CAMK4: variants seen among roughly 807,000 people sequenced by gnomAD.
The protein encoded by CAMK4 is calcium/calmodulin-dependent protein kinase type IV.
A neutral mutation model predicts 44.9 loss-of-function variants in CAMK4; 22 were observed. That is an observed-to-expected ratio of 0.49 (90% CI 0.35 to 0.70). The LOEUF (loss-of-function observed/expected upper bound fraction) is 0.70, where lower values mean the gene tolerates loss of function less well. Ranked by LOEUF, CAMK4 falls within the 30% of genes least tolerant of loss-of-function variation. The pLI, the probability that CAMK4 is intolerant of heterozygous loss-of-function variation, is 0.01. For missense variants in CAMK4, 498 were observed against 586.8 expected (o/e 0.85, Z 1.56); for synonymous variants, 218 against 215.4 (o/e 1.01, Z -0.11).
chr5:111,369,567 C>G (rs1207758431), intron 2 of CAMK4, among the ~76,000 whole-genome samples: 1 of 152,036 alleles, frequency 6.6e-6, no homozygotes, highest in Non-Finnish European at 1.5e-5. Flanking sequence ...TTGCAAATCT[C>G]TTTACTATCT....
At chr5:111,450,731 T>A (rs1021696632) in intron 7 of CAMK4, among the ~76,000 whole-genome samples, 3 of 150,260 alleles carry the variant, frequency 2.0e-5, no homozygotes, top group Non-Finnish European at 4.4e-5. Context: ...GAGGTTACAG[T>A]GAAGCAAGAT....
chr5:111,381,484 C>CA (rs1398149807), intron 4 of CAMK4, among the ~76,000 whole-genome samples: 1 of 152,120 alleles, frequency 6.6e-6, no homozygotes, highest in African/African-American at 2.4e-5. Flanking sequence ...TGTTCAAAGG[C>CA]AGCACAGGAG....
At chr5:111,427,701 G>A (rs1264217936) in intron 5 of CAMK4, among the ~76,000 whole-genome samples, 2 of 152,242 alleles carry the variant, frequency 1.3e-5, no homozygotes, top group Non-Finnish European at 2.9e-5. Flanking sequence ...TGTGGTTTGA[G>A]TGCCAGCTCA....
chr5:111,225,757 C>G (rs1551566), intron 1 of CAMK4, among the ~76,000 whole-genome samples: 3 of 152,042 alleles, frequency 2.0e-5, no homozygotes, highest in Non-Finnish European at 1.5e-5. Context: ...TCTCCCCCCA[C>G]TTTGCTAGTA....
chr5:111,418,405 G>C (rs2112910652), intron 5 of CAMK4, among the ~76,000 whole-genome samples: 1 of 151,780 alleles, frequency 6.6e-6, no homozygotes, highest in East Asian at 1.9e-4. Context: ...TGAAGTTTCA[G>C]TCACCATTGT....
chr5:111,423,842 A>G (rs1753118061), intron 5 of CAMK4, among the ~76,000 whole-genome samples: 2 of 152,188 alleles, frequency 1.3e-5, no homozygotes. Context: ...ATGACTTATT[A>G]AGCACCTACT....
At chr5:111,235,528 A>G (rs573925685) in intron 1 of CAMK4, among the ~76,000 whole-genome samples, 2 of 152,336 alleles carry the variant, frequency 1.3e-5, no homozygotes, top group East Asian at 1.9e-4. Context: ...ACAATGTTCA[A>G]TGAGGTAAAC....
At chr5:111,371,009 A>G (rs1750983964) in intron 2 of CAMK4, among the ~76,000 whole-genome samples, 2 of 152,222 alleles carry the variant, frequency 1.3e-5, no homozygotes, top group Admixed American at 1.3e-4. Context: ...CTGTTCTAGT[A>G]ACGCCTCTCT....
At chr5:111,471,716 C>T (rs1037211064) in intron 7 of CAMK4, among the ~76,000 whole-genome samples, 2 of 152,078 alleles carry the variant, frequency 1.3e-5, no homozygotes, top group Non-Finnish European at 2.9e-5. Flanking sequence ...TATGCATTTA[C>T]CATGACCTTT....
At chr5:111,361,506 A>C (rs1750589858) in intron 2 of CAMK4, among the ~76,000 whole-genome samples, 1 of 152,064 alleles carries the variant, frequency 6.6e-6, no homozygotes, top group Non-Finnish European at 1.5e-5. Context: ...TGGTCATAAA[A>C]ATTACCAAAA....
rs116057126 is a variant in CAMK4, at chr5:111,437,869, T to C, written c.460-8817T>C. 3.6e-3 allele frequency among the ~76,000 whole-genome samples: 549 copies of C among 152,204 alleles called. 1 individual carries two copies. Among genetic ancestry groups the C allele is most frequent in the African/African-American group, 0.012 (503 of 41,524 alleles). On this transcript the variant is annotated intron_variant, in intron 5 of 10. Transcript: ENST00000282356. ...GCCAGGATAAAGTCGTGGAAAACCA[T>C]TGAAGACTTTCACAAGGAGAAGAAA...
chr5:111,362,021 A>G (rs1713487603), intron 2 of CAMK4, among the ~76,000 whole-genome samples: 1 of 152,078 alleles, frequency 6.6e-6, no homozygotes, highest in African/African-American at 2.4e-5. Flanking sequence ...AAAATTGGAA[A>G]CAGAAGATTA....
rs1163362779 is a variant in CAMK4 at position 111,493,259 on chromosome 5, G to GAAGA, written c.*8794_*8797dup. 6.6e-6 allele frequency: 1 copy of GAAGA among 152,058 alleles called. No individual in the cohort carries two copies. Among genetic ancestry groups the GAAGA allele is most frequent in the Non-Finnish European group, 1.5e-5 (1 of 68,036 alleles). The allele number at this position is 152,058 out of a possible 1,614,324, so 9.4% of individuals were successfully genotyped here. A position where few individuals can be genotyped will look rare whatever the true frequency, so the allele number is the denominator to read the frequency against. ...CCAAATAAAAATCATCAAACACATC[G>GAAGA]AAGATATTTTTGGGAGTCACCAGGT... On this transcript the variant is annotated 3_prime_UTR_variant, in exon 11 of 11. Transcript: ENST00000282356. This position sits in a 1 kb window ranked among gnomAD's most constrained non-coding sequence, Gnocchi z 4.1.
rs140425791 is a variant in CAMK4 at position 111,478,483 on chromosome 5, A to G, written c.804A>G (p.Glu268=). The stretch of plus-strand genomic sequence containing the variant: ...ACTTTATCTCCCCCTGGTGGGATGA[A>G]GTATCTCTAAATGCCAAGGACTTGG... ...EYYFISPWWD[E]VSLNAKDLVR... Residue 268 remains glutamate, a synonymous_variant, in exon 9 of 11, where the codon GAA becomes GAG. Transcript: ENST00000282356. 6.5e-7 allele frequency: 1 copy of G among 1,545,116 alleles called. No homozygotes were observed. The highest frequency in any genetic ancestry group is 8.9e-7 in the Non-Finnish European group (1 of 1,124,008).
intron 2 of CAMK4, among the ~76,000 whole-genome samples, chr5:111,372,439 A>T (rs116381313): frequency 4.9e-4 from 74 of 152,248 alleles, no homozygotes; most frequent in African/African-American, 1.8e-3. Context: ...AGATGTTGAG[A>T]GAGAGCATCT....
intron 2 of CAMK4, among the ~76,000 whole-genome samples, chr5:111,346,947 G>A (rs1280849961): frequency 2.6e-5 from 4 of 151,926 alleles, no homozygotes; most frequent in African/African-American, 4.8e-5. Flanking sequence ...CAAACTCCCC[G>A]ATGGCTTATG....
intron 4 of CAMK4, among the ~76,000 whole-genome samples, chr5:111,381,431 G>A (rs563346654): frequency 3.3e-5 from 5 of 152,172 alleles, no homozygotes; most frequent in Non-Finnish European, 7.3e-5. Context: ...CAAATCACTA[G>A]TGTAAGTCCA....
At chr5:111,458,963 C>G (rs753286773) in intron 7 of CAMK4, among the ~76,000 whole-genome samples, 1 of 152,100 alleles carries the variant, frequency 6.6e-6, no homozygotes, top group African/African-American at 2.4e-5. Flanking sequence ...GGGAAGACAT[C>G]GGAGCATCAG....
intron 5 of CAMK4, among the ~76,000 whole-genome samples, chr5:111,445,142 G>T (rs555883702): frequency 4.6e-5 from 7 of 152,130 alleles, no homozygotes; most frequent in Non-Finnish European, 7.4e-5. Context: ...ATATTCAAGT[G>T]CTGGAATGTT....
Sources: allele counts gnomAD v4.1 joint callset (sites outside exome capture counted in the v4.1 genomes callset), GRCh38; gene constraint gnomAD v4.1.1; non-coding constraint Gnocchi (gnomAD v3.1); transcripts MANE v1.5; gene names NCBI Gene and HGNC (gene_info 2026-07-23, HGNC 2026-07-21).